TEX2: variants seen among roughly 807,000 people sequenced by gnomAD.
The protein encoded by TEX2 is testis expressed 2, also known as testis-expressed protein 2.
Under a neutral mutation model 106.9 loss-of-function variants are expected in TEX2, and 53 were observed. The observed-to-expected ratio is 0.50, with a 90% CI of 0.40 to 0.62. The LOEUF is 0.62. TEX2 is among the 20% of genes least tolerant of loss of function. TEX2 has a pLI of 0.00. For synonymous variants in TEX2, 523 were observed against 534.8 expected, an observed-to-expected ratio of 0.98 and a Z score of 0.30; for missense variants, 1,207 against 1,379.0, an observed-to-expected ratio of 0.88 and a Z score of 1.98.
intron 1 of TEX2, among the ~76,000 whole-genome samples, chr17:64,256,600 G>C (rs1340442918): frequency 2.0e-5 from 3 of 152,152 alleles, no homozygotes; most frequent in African/African-American, 7.2e-5. Context: ...TTCCTTCAGA[G>C]GAAGGAGATT....
intron 1 of TEX2, among the ~76,000 whole-genome samples, chr17:64,228,380 A>G (rs1677165272): frequency 6.6e-6 from 1 of 152,176 alleles, no homozygotes; most frequent in African/African-American, 2.4e-5. Context: ...ACACAATTCT[A>G]CAACTCACAA....
intron 1 of TEX2, among the ~76,000 whole-genome samples, chr17:64,237,224 A>G (rs1555635226): frequency 6.6e-6 from 1 of 151,666 alleles, no homozygotes; most frequent in African/African-American, 2.4e-5. Flanking sequence ...GAAGGGTAAG[A>G]GTAAGGGCCT....
intron 1 of TEX2, among the ~76,000 whole-genome samples, chr17:64,218,029 C>G (rs2033234994): frequency 6.6e-6 from 1 of 152,134 alleles, no homozygotes; most frequent in Non-Finnish European, 1.5e-5. Context: ...GGAAGGCAGG[C>G]TCCATTATCA....
At position 64,169,009 on chromosome 17, in the gene TEX2, C is replaced by T. The variant is rs536872885; in HGVS notation, c.2671+2091G>A. On this transcript the variant is annotated intron_variant, in intron 7 of 11. Coordinates refer to ENST00000584379, the MANE Select transcript of TEX2 (RefSeq NM_001288732.2). ...GTGATGCTAGGGCCCGAGGTTACAT[C>T]TTCATCTTATTTCTAAAGCTCTGTT... Among the ~76,000 whole-genome samples, 7 of 145,986 alleles carry T rather than the reference C, an allele frequency of 4.8e-5. No individual in the cohort carries two copies. In the East Asian group the frequency reaches 1.5e-3, roughly 31 times the overall value.
intron 6 of TEX2, among the ~76,000 whole-genome samples, chr17:64,175,705 T>C (rs1482257152): frequency 6.6e-6 from 1 of 152,180 alleles, no homozygotes; most frequent in Non-Finnish European, 1.5e-5. Context: ...GCAACCCAAG[T>C]ATCTGGGACC....
chr17:64,257,841 G>A (rs2034211677), intron 1 of TEX2, among the ~76,000 whole-genome samples: 1 of 152,106 alleles, frequency 6.6e-6, no homozygotes, highest in Non-Finnish European at 1.5e-5. Context: ...TTGTACTGAG[G>A]TTGCTAAGAT....
At chr17:64,246,990 C>A (rs1488223767) in intron 1 of TEX2, among the ~76,000 whole-genome samples, 3 of 152,284 alleles carry the variant, frequency 2.0e-5, no homozygotes, top group African/African-American at 7.2e-5. Flanking sequence ...AAGGCGGCAG[C>A]TGGGCGTGGT....
intron 5 of TEX2, among the ~76,000 whole-genome samples, chr17:64,180,920 C>T (rs1044824773): frequency 7.9e-5 from 12 of 152,144 alleles, no homozygotes; most frequent in African/African-American, 2.7e-4. Flanking sequence ...GTAGTGCCCC[C>T]ACTCCTTTTT....
intron 5 of TEX2, among the ~76,000 whole-genome samples, chr17:64,177,809 A>T (rs1216464429): frequency 6.6e-6 from 1 of 152,230 alleles, no homozygotes; most frequent in Non-Finnish European, 1.5e-5. Context: ...CACATCTGAT[A>T]AAATGCCTGC....
At chr17:64,167,497 G>A (rs550723160) in intron 7 of TEX2, among the ~76,000 whole-genome samples, 1 of 152,152 alleles carries the variant, frequency 6.6e-6, no homozygotes, top group East Asian at 1.9e-4. Flanking sequence ...TAATCCTCAC[G>A]ACAAGCTTAT....
Position 64,190,404 on chromosome 17 carries a change from A to G in TEX2, c.2177-1989T>C, listed in dbSNP as rs527664393. ...TTAATAGTAAAAAAGAGAAAAAAAG[A>G]TGAAATAAACAGGGCAGCATGATAC... On this transcript the variant is annotated intron_variant, in intron 4 of 11. Transcript: ENST00000584379. Among the ~76,000 whole-genome samples the G allele has an allele frequency of 2.6e-5, 4 of 152,356 alleles. No homozygotes were observed. In the South Asian group the frequency reaches 8.3e-4, roughly 32 times the overall value.
intron 6 of TEX2, among the ~76,000 whole-genome samples, chr17:64,173,877 G>C (rs897463706): frequency 6.6e-6 from 1 of 151,658 alleles, no homozygotes; most frequent in East Asian, 1.9e-4. Flanking sequence ...ACAGGATTTC[G>C]CTCTGTCACT....
chr17:64,167,310 T>C (rs1271482549), intron 7 of TEX2, among the ~76,000 whole-genome samples: 1 of 152,164 alleles, frequency 6.6e-6, no homozygotes, highest in Non-Finnish European at 1.5e-5. Flanking sequence ...TTTATCCTAG[T>C]AGGATCTGCC....
chr17:64,232,724 G>C (rs2033685159), intron 1 of TEX2, among the ~76,000 whole-genome samples: 1 of 152,222 alleles, frequency 6.6e-6, no homozygotes, highest in Non-Finnish European at 1.5e-5. Flanking sequence ...GAGTCAGCAT[G>C]AAACCTTCCA....
intron 8 of TEX2, among the ~76,000 whole-genome samples, chr17:64,157,463 T>A (rs938152067): frequency 1.3e-5 from 2 of 152,200 alleles, no homozygotes; most frequent in Non-Finnish European, 2.9e-5. Flanking sequence ...TTCTAGCAAT[T>A]TCTCAAAGGT....
intron 1 of TEX2, among the ~76,000 whole-genome samples, chr17:64,238,730 A>G (rs1411284836): frequency 6.6e-6 from 1 of 152,206 alleles, no homozygotes; most frequent in Non-Finnish European, 1.5e-5. Flanking sequence ...ACCTCCCACC[A>G]GGTCCCTCCC....
chr17:64,196,132 G>T (rs554530284), intron 2 of TEX2, among the ~76,000 whole-genome samples: 1 of 152,208 alleles, frequency 6.6e-6, no homozygotes, highest in East Asian at 1.9e-4. Flanking sequence ...AAGCCTATGA[G>T]AATGAGGACT....
chr17:64,207,603 A>T (rs1598179144), intron 2 of TEX2, among the ~76,000 whole-genome samples: 1 of 152,156 alleles, frequency 6.6e-6, no homozygotes, highest in Non-Finnish European at 1.5e-5. Flanking sequence ...AAACAAGTTC[A>T]CAGGCCTGTT....
intron 2 of TEX2, among the ~76,000 whole-genome samples, chr17:64,211,466 T>C (rs2038363207): frequency 6.6e-6 from 1 of 152,128 alleles, no homozygotes; most frequent in Admixed American, 6.5e-5. Flanking sequence ...TCTATATCCA[T>C]GGATTCAATC....
Sources: gnomAD v4.1 joint callset for allele counts (sites outside exome capture counted in the v4.1 genomes callset) on GRCh38, gnomAD v4.1.1 for gene constraint, MANE v1.5 for transcripts, NCBI Gene and HGNC (gene_info 2026-07-23, HGNC 2026-07-21) for gene names.